Variants in SLC5A5 observed in about 807,000 individuals in gnomAD.
SLC5A5 encodes solute carrier family 5 member 5, also known as sodium/iodide cotransporter.
SLC5A5 carries 56 observed loss-of-function variants against 68.6 expected under a neutral mutation model. The observed-to-expected ratio is 0.82, with a 90% CI of 0.66 to 1.02. The LOEUF (loss-of-function observed/expected upper bound fraction) is 1.02, where lower values mean the gene tolerates loss of function less well. SLC5A5 is among the 50% of genes least tolerant of loss of function. The probability of loss-of-function intolerance (pLI) is 0.00; values close to 1 mark genes in which losing one functional copy is unlikely to be tolerated. For missense variants in SLC5A5, 807 were observed against 859.8 expected (o/e 0.94, Z 0.77); for synonymous variants, 398 against 373.0 (o/e 1.07, Z -0.77).
chr19:17,884,302 T>C (rs1048899034), intron 12 of SLC5A5, among the ~76,000 whole-genome samples: 3 of 152,056 alleles, frequency 2.0e-5, no homozygotes, highest in African/African-American at 7.2e-5. Flanking sequence ...GTACTTTTTT[T>C]GTTTTGTTTT....
Position 17,874,210 on chromosome 19 carries a change from G to T in SLC5A5, c.423+7G>T. On this transcript the variant is annotated splice_region_variant and intron_variant, in intron 2 of 14. Coordinates refer to ENST00000222248, the MANE Select transcript of SLC5A5 (RefSeq NM_000453.3). ...GCAGTACATTGTAGCCACGGTGAGT[G>T]GCCTCGGCCCCGCCCTCCGCTCAGG... 6.2e-7 allele frequency: 1 copy of T among 1,601,568 alleles called. No individual in the cohort carries two copies.
chr19:17,873,766 C>G (rs7255852), intron 1 of SLC5A5, among the ~76,000 whole-genome samples: 1 of 151,832 alleles, frequency 6.6e-6, no homozygotes, highest in Non-Finnish European at 1.5e-5. Context: ...CCCTCCCCCC[C>G]AAAAAAATCG....
chr19:17,874,194 T>C lies in SLC5A5; in HGVS notation c.414T>C (p.Ile138=), dbSNP rs778265172. The C allele has an allele frequency of 3.2e-5, 52 of 1,610,096 alleles. No individual in the cohort carries two copies. Among genetic ancestry groups the C allele is most frequent in the Non-Finnish European group, 4.3e-5 (51 of 1,177,152 alleles). ...AVRLCGTLQY[I]VATMLYTGIV... is the part of the protein sequence containing the mutation. ...GGCTCTGCGGGACTTTGCAGTACAT[T>C]GTAGCCACGGTGAGTGGCCTCGGCC... Residue 138 remains isoleucine, a synonymous_variant, in exon 2 of 15, where the codon ATT becomes ATC. Transcript: ENST00000222248.
rs1246434474 is a variant in SLC5A5, at chr19:17,880,953, G to A, written c.1058G>A (p.Ser353Asn). Residue 353 changes from serine (S) to asparagine (N), a missense_variant and splice_region_variant, in exon 8 of 15, where the codon AGC becomes AAC. Physicochemically the swap from Ser to Asn is conservative, Grantham distance 46. Transcript: ENST00000222248. The part of the protein sequence containing the change: ...FLACAYSGTL[S>N]TASTSINAMA... ...GCCTGTGCTTACAGTGGCACCCTCA[G>A]GTGAGCACCCCTGCTTGTTCATGGA... is the stretch of plus-strand genomic sequence containing the variant. The A allele has an allele frequency of 1.2e-6, 2 of 1,611,206 alleles. No homozygotes were observed. The highest frequency in any genetic ancestry group is 1.3e-5 in the African/African-American group (1 of 75,002).
intron 1 of SLC5A5, among the ~76,000 whole-genome samples, chr19:17,873,248 G>C (rs1352337084): frequency 6.6e-6 from 1 of 151,558 alleles, no homozygotes; most frequent in Non-Finnish European, 1.5e-5. Flanking sequence ...ATCACCTGAG[G>C]TCAGGAGTTC....
rs1363323458 is a variant in SLC5A5, at chr19:17,878,985, A to AC, written c.969+892_969+893insC. Among the ~76,000 whole-genome samples, 4 of 147,962 alleles carry AC rather than the reference A, an allele frequency of 2.7e-5. 2 individuals are homozygous for AC. The highest frequency in any genetic ancestry group is 1.0e-4 in the African/African-American group (4 of 40,174). Reference sequence around the variant, plus strand: ...GAGAGACTCCATCTCAAAAAAAAAAAAAACAAAAAAAAAAAACCAAAACAA... The same window carrying AC: ...GAGAGACTCCATCTCAAAAAAAAAAACAAACAAAAAAAAAAAACCAAAACAA... On this transcript the variant is annotated intron_variant, in intron 7 of 14. Transcript: ENST00000222248.
rs772440590 is a variant in SLC5A5, at chr19:17,877,751, A to G, written c.727A>G (p.Thr243Ala). Residue 243 changes from threonine to alanine, a missense_variant, in exon 6 of 15, where the codon ACA (threonine) becomes GCA (alanine). By Grantham distance (58) the Thr-to-Ala change is moderately conservative (BLOSUM62 0). Coordinates refer to ENST00000222248, the MANE Select transcript of SLC5A5 (RefSeq NM_000453.3). Reference sequence around the variant, plus strand: ...TAACCCTGACCCGAGGAGCCGCTATACATTCTGGACTTTTGTGGTGGGTGG... The same window carrying G: ...TAACCCTGACCCGAGGAGCCGCTATGCATTCTGGACTTTTGTGGTGGGTGG... ...DFNPDPRSRY[T>A]FWTFVVGGTL... is the part of the protein sequence containing the mutation. 3.7e-6 allele frequency: 6 copies of G among 1,614,104 alleles called. No individual in the cohort carries two copies. Among genetic ancestry groups the G allele is most frequent in the East Asian group, 2.2e-5 (1 of 44,892 alleles).
At chr19:17,876,142 G>A in intron 5 of SLC5A5, 36 bp downstream of exon 5, 3 of 1,609,882 alleles carry the variant, frequency 1.9e-6, no homozygotes, top group Non-Finnish European at 2.5e-6. Flanking sequence ...CAGCAGGATG[G>A]GGCTGGGACC....
intron 10 of SLC5A5, among the ~76,000 whole-genome samples, chr19:17,882,833 G>A (rs1027069703): frequency 3.3e-5 from 5 of 152,092 alleles, no homozygotes; most frequent in African/African-American, 4.8e-5. Context: ...ACAAGCGCCC[G>A]CCACCACGCC....
Position 17,883,777 on chromosome 19 carries a change from G to T in SLC5A5, c.1329+10G>T. The T allele has an allele frequency of 6.2e-7, 1 of 1,611,688 alleles. No homozygotes were observed. Among genetic ancestry groups the T allele is most frequent in the Non-Finnish European group, 8.5e-7 (1 of 1,178,992 alleles). ...GGCCTGCAACACACCGGTGAGTGGG[G>T]GCGGGGCAAGGGGCGGGGAGGGGCG... On this transcript the variant is annotated intron_variant, in intron 11 of 14. Coordinates refer to ENST00000222248, the MANE Select transcript of SLC5A5 (RefSeq NM_000453.3).
intron 12 of SLC5A5, among the ~76,000 whole-genome samples, chr19:17,884,972 G>GC (rs2094329987): frequency 6.6e-6 from 1 of 150,932 alleles, no homozygotes; most frequent in South Asian, 2.1e-4. Context: ...GGGATTACAG[G>GC]TGTGAGCCAC....
chr19:17,884,847 C>CT (rs371579709), intron 12 of SLC5A5, among the ~76,000 whole-genome samples: 52 of 148,688 alleles, frequency 3.5e-4, no homozygotes, highest in Admixed American at 1.8e-3. Flanking sequence ...AACGTTTCCT[C>CT]TTTTTTTTTT....
At chr19:17,876,846 G>C (rs1350462095) in intron 5 of SLC5A5, among the ~76,000 whole-genome samples, 1 of 150,978 alleles carries the variant, frequency 6.6e-6, no homozygotes, top group Admixed American at 6.6e-5. Context: ...TGGTGACAGA[G>C]AGAGACTCCG....
intron 13 of SLC5A5, among the ~76,000 whole-genome samples, chr19:17,890,061 CTTTGTTTTGT>C (rs367989839): frequency 1.8e-4 from 27 of 152,032 alleles, no homozygotes; most frequent in African/African-American, 6.3e-4. Context: ...CCATTAATGT[CTTTGTTTTGT>C]TTTGTTTTGT....
chr19:17,874,231 T>C (rs768749292), intron 2 of SLC5A5, 28 bp downstream of exon 2: 11 of 1,531,576 alleles, frequency 7.2e-6, no homozygotes, highest in African/African-American at 1.4e-5. Flanking sequence ...CGCCCTCCGC[T>C]CAGGGCCCCG....
intron 1 of SLC5A5, among the ~76,000 whole-genome samples, 197 bp from the exon 2 acceptor site, chr19:17,873,941 G>C (rs1235965572): frequency 6.6e-6 from 1 of 152,234 alleles, no homozygotes; most frequent in East Asian, 1.9e-4. Context: ...AGTCCTCCAG[G>C]TCCACGGGGT....
intron 12 of SLC5A5, among the ~76,000 whole-genome samples, chr19:17,887,017 A>G (rs1194694290): frequency 1.3e-5 from 2 of 152,136 alleles, no homozygotes; most frequent in African/African-American, 4.8e-5. Context: ...CCAAGGCTGC[A>G]GTGAAGCATG....
intron 4 of SLC5A5, 123 bp downstream of exon 4, chr19:17,874,854 T>C: frequency 1.1e-6 from 1 of 880,230 alleles, no homozygotes; most frequent in South Asian, 1.4e-5. Context: ...CCCAGTGTCC[T>C]CATCTTTATA....
chr19:17,873,802 C>T (rs2094300066), intron 1 of SLC5A5, among the ~76,000 whole-genome samples: 1 of 151,860 alleles, frequency 6.6e-6, no homozygotes, highest in Non-Finnish European at 1.5e-5. Flanking sequence ...AGGCGGCCAA[C>T]ACCATTGGCC....
Sources: allele counts gnomAD v4.1 joint callset (sites outside exome capture counted in the v4.1 genomes callset), GRCh38; gene constraint gnomAD v4.1.1; transcripts MANE v1.5; gene names NCBI Gene and HGNC (gene_info 2026-07-23, HGNC 2026-07-21).